The following NTNG1 variants were observed in gnomAD, a reference collection of about 807,000 sequenced individuals.
NTNG1 encodes the protein netrin G1.
NTNG1 carries 16 observed loss-of-function variants against 54.0 expected under a neutral mutation model. The observed-to-expected ratio is 0.30, with a 90% CI of 0.20 to 0.45. NTNG1 has a LOEUF of 0.45. Ranked by LOEUF, NTNG1 falls within the 20% of genes least tolerant of loss-of-function variation. NTNG1 has a pLI of 1.00. For synonymous variants in NTNG1, 255 were observed against 263.1 expected, an observed-to-expected ratio of 0.97 and a Z score of 0.30; for missense variants, 530 against 678.7, an observed-to-expected ratio of 0.78 and a Z score of 2.43.
At chr1:107,435,404 T>A (rs995142638) in intron 6 of NTNG1, among the ~76,000 whole-genome samples, 1 of 152,168 alleles carries the variant, frequency 6.6e-6, no homozygotes, top group Non-Finnish European at 1.5e-5. Context: ...TAAGTTTTAT[T>A]TTTACCTACA....
Position 107,359,009 on chromosome 1 carries a change from GTC to G in NTNG1, c.887+34091_887+34092del, listed in dbSNP as rs1289859038. Among the ~76,000 whole-genome samples, 18 of 152,278 alleles carry G rather than the reference GTC, an allele frequency of 1.2e-4. No homozygotes were observed. The South Asian group carries it at 3.7e-3, about 32-fold the overall frequency. ...ATAAAGTTCTATTGAAAATGCGGAC[GTC>G]TCTATCACCAAATGTTACTCCAATT... On this transcript the variant is annotated intron_variant, in intron 3 of 7. Transcript: ENST00000370068.
chr1:107,179,566 A>T (rs2101125952), intron 2 of NTNG1, among the ~76,000 whole-genome samples: 1 of 147,722 alleles, frequency 6.8e-6, no homozygotes, highest in Non-Finnish European at 1.5e-5. Flanking sequence ...AACATTCTTG[A>T]ACTTCTCCGA....
rs1367803597 is a variant in NTNG1 at position 107,324,197 on chromosome 1, T to C, written c.247-85T>C. Reference sequence around the variant, plus strand: ...AAAACAGATTTTTTTTTTCCTTTTCTAGCCTCTTACTGAGCAACAGCAATA... The same window carrying C: ...AAAACAGATTTTTTTTTTCCTTTTCCAGCCTCTTACTGAGCAACAGCAATA... On this transcript the variant is annotated intron_variant, in intron 2 of 7. Coordinates refer to ENST00000370068, the MANE Select transcript of NTNG1 (RefSeq NM_001113226.3). The C allele has an allele frequency of 4.8e-6, 6 of 1,257,908 alleles. No homozygotes were observed. In the East Asian group the frequency reaches 1.4e-4, roughly 29 times the overall value. 77.9% of individuals were successfully genotyped at this position (1,257,908 alleles called of 1,614,324 possible).
At chr1:107,159,343 A>G (rs1490842084) in intron 2 of NTNG1, among the ~76,000 whole-genome samples, 1 of 152,182 alleles carries the variant, frequency 6.6e-6, no homozygotes, top group Non-Finnish European at 1.5e-5. Context: ...GTGCTTTTAT[A>G]GTGCCGAGCA....
intron 2 of NTNG1, among the ~76,000 whole-genome samples, chr1:107,169,894 T>G (rs960814175): frequency 3.9e-5 from 6 of 152,198 alleles, no homozygotes; most frequent in African/African-American, 1.2e-4. Flanking sequence ...TATGGCAGGC[T>G]GTAAGAAAGG....
At chr1:107,164,784 C>A (rs34791438) in intron 2 of NTNG1, among the ~76,000 whole-genome samples, 18,611 of 152,188 alleles carry the variant, frequency 0.12, 1,503 homozygotes, top group South Asian at 0.22. Context: ...TTCCTCAGTG[C>A]CACAAAGAAA....
At chr1:107,329,457 G>T (rs1196832346) in intron 3 of NTNG1, among the ~76,000 whole-genome samples, 1 of 152,160 alleles carries the variant, frequency 6.6e-6, no homozygotes, top group Non-Finnish European at 1.5e-5. Context: ...CATGGTTAGT[G>T]CGAAAGATGT....
At chr1:107,198,654 T>C (rs1658514003) in intron 2 of NTNG1, among the ~76,000 whole-genome samples, 3 of 151,908 alleles carry the variant, frequency 2.0e-5, no homozygotes, top group Non-Finnish European at 4.4e-5. Context: ...TCAGGGAGTC[T>C]AGATTCTAGC....
intron 3 of NTNG1, among the ~76,000 whole-genome samples, chr1:107,346,710 C>A (rs1320423002): frequency 1.3e-5 from 2 of 151,726 alleles, no homozygotes; most frequent in Admixed American, 6.6e-5. Context: ...CAAGGCACCC[C>A]CTACTTAACA....
intron 7 of NTNG1, among the ~76,000 whole-genome samples, chr1:107,437,831 AG>A (rs1374749347): frequency 1.3e-5 from 2 of 152,130 alleles, no homozygotes. Flanking sequence ...TTATACTTGC[AG>A]AAAATGTCAG....
At chr1:107,376,714 A>G (rs1041584958) in intron 3 of NTNG1, among the ~76,000 whole-genome samples, 7 of 152,198 alleles carry the variant, frequency 4.6e-5, no homozygotes. Context: ...TGACATGGAA[A>G]TTTTTAACCT....
At chr1:107,451,961 T>G (rs1676650905) in intron 7 of NTNG1, among the ~76,000 whole-genome samples, 1 of 152,166 alleles carries the variant, frequency 6.6e-6, no homozygotes, top group South Asian at 2.1e-4. Context: ...CTAAGGTCTA[T>G]TCCAGCTCAG....
chr1:107,294,211 AG>A (rs1218839426), intron 2 of NTNG1, among the ~76,000 whole-genome samples: 11 of 152,220 alleles, frequency 7.2e-5, no homozygotes, highest in African/African-American at 2.7e-4. Context: ...CAGGGGCCCA[AG>A]TCCAGAGCTT....
intron 2 of NTNG1, among the ~76,000 whole-genome samples, chr1:107,318,788 G>A (rs1257772540): frequency 1.8e-4 from 28 of 152,252 alleles, no homozygotes; most frequent in Admixed American, 1.8e-3. Flanking sequence ...GTTGCTGTAT[G>A]CATACCACAT....
chr1:107,199,246 G>T (rs910165470), intron 2 of NTNG1, among the ~76,000 whole-genome samples: 8 of 150,650 alleles, frequency 5.3e-5, no homozygotes, highest in Non-Finnish European at 8.9e-5. Flanking sequence ...GTATTCTCAT[G>T]TAGCCAGATC....
chr1:107,343,317 T>C (rs1246319127), intron 3 of NTNG1, among the ~76,000 whole-genome samples: 1 of 152,166 alleles, frequency 6.6e-6, no homozygotes, highest in Admixed American at 6.5e-5. Flanking sequence ...GCCGCCATGA[T>C]GATCTACTAT....
At chr1:107,472,822 A>G (rs901654380) in intron 7 of NTNG1, among the ~76,000 whole-genome samples, 1 of 152,180 alleles carries the variant, frequency 6.6e-6, no homozygotes, top group Non-Finnish European at 1.5e-5. Context: ...ATTAGATAAC[A>G]ATCTATAAAG....
intron 7 of NTNG1, among the ~76,000 whole-genome samples, chr1:107,476,465 G>T (rs770884965): frequency 6.6e-6 from 1 of 152,070 alleles, no homozygotes; most frequent in Non-Finnish European, 1.5e-5. Context: ...GAAGAACCTT[G>T]ACAGTTCTAA....
chr1:107,303,634 C>G (rs930651217), intron 2 of NTNG1, among the ~76,000 whole-genome samples: 1 of 152,026 alleles, frequency 6.6e-6, no homozygotes, highest in Admixed American at 6.6e-5. Context: ...AACTACTATC[C>G]CATTTTCCCT....
Sources: allele counts gnomAD v4.1 joint callset (sites outside exome capture counted in the v4.1 genomes callset), GRCh38; gene constraint gnomAD v4.1.1; transcripts MANE v1.5; gene names NCBI Gene and HGNC (gene_info 2026-07-23, HGNC 2026-07-21).